The following ANOS1 variants were observed in gnomAD, a reference collection of about 807,000 sequenced individuals.
ANOS1 encodes the protein anosmin-1.
ANOS1 carries 6 observed loss-of-function variants against 59.0 expected under a neutral mutation model. That is an observed-to-expected ratio of 0.10 (90% CI 0.06 to 0.20). The LOEUF (loss-of-function observed/expected upper bound fraction) is 0.20. ANOS1 is among the 10% of genes least tolerant of loss of function. The pLI is 1.00. For missense variants in ANOS1, 433 were observed against 542.3 expected (o/e 0.80, Z 2.00); for synonymous variants, 217 against 223.4 (o/e 0.97, Z 0.25).
chrX:8,635,634 A>AT, intron 2 of ANOS1, among the ~76,000 whole-genome samples: 1 of 112,353 alleles, frequency 8.9e-6, no homozygotes, highest in East Asian at 2.8e-4. Context: ...GAAAATAAAA[A>AT]TGCATATTTA....
chrX:8,657,467 CTTTTTTTTTTTT>C (rs1324799667), intron 2 of ANOS1, among the ~76,000 whole-genome samples: 2 of 83,958 alleles, frequency 2.4e-5, no homozygotes, highest in South Asian at 5.5e-4. Flanking sequence ...ACTGTGCTTG[CTTTTTTTTTTTT>C]TTTTTTTTTT....
chrX:8,618,421 T>C (rs1484463586), intron 3 of ANOS1, among the ~76,000 whole-genome samples: 1 of 111,841 alleles, frequency 8.9e-6, no homozygotes, highest in Non-Finnish European at 1.9e-5. Flanking sequence ...ATCCACTGAG[T>C]TCTTACTTAG....
chrX:8,541,416 C>T (rs773126846), intron 9 of ANOS1, among the ~76,000 whole-genome samples: 42 of 101,551 alleles, frequency 4.1e-4, no homozygotes, highest in African/African-American at 1.0e-3. Context: ...ACCACCCCCC[C>T]CCCAAAAACA....
In ANOS1 at chrX:8,678,572, A is replaced by C. The variant is rs192465619; in HGVS notation, c.255+21126T>G. 4.5e-5 allele frequency among the ~76,000 whole-genome samples: 5 copies of C among 112,333 alleles called. No individual in the cohort carries two copies. In the East Asian group the frequency reaches 1.4e-3, roughly 31 times the overall value. ...GGGCTTTAAAAACAAAAAGTCCTGC[A>C]ATGTAGTCCCCAAATGACAAATTTT... is the stretch of plus-strand genomic sequence containing the variant. On this transcript the variant is annotated intron_variant, in intron 2 of 13. Coordinates refer to ENST00000262648, the MANE Select transcript of ANOS1 (RefSeq NM_000216.4).
At position 8,570,569 on chromosome X, in the gene ANOS1, A is replaced by G. The variant is rs745961261; in HGVS notation, c.992T>C (p.Phe331Ser). The G allele has an allele frequency of 8.3e-7, 1 of 1,209,377 alleles. No individual in the cohort carries two copies. Among genetic ancestry groups the G allele is most frequent in the Non-Finnish European group, 1.1e-6 (1 of 894,792 alleles). Residue 331 changes from phenylalanine to serine, a missense_variant, in exon 7 of 14, where the codon TTT (phenylalanine) becomes TCT (serine). By Grantham distance (155) the Phe-to-Ser change is radical. Transcript: ENST00000262648. ...CTTACTGCTGACCATCCAGCTCCAA[A>G]AGACCTTGTAATGATGCACAGGGAT... ...PDIPVHHYKVFWSWMVSSKSL... is the reference protein window; with the variant it reads ...PDIPVHHYKVSWSWMVSSKSL...
chrX:8,715,106 C>A (rs922203892), intron 1 of ANOS1, among the ~76,000 whole-genome samples: 1 of 112,209 alleles, frequency 8.9e-6, no homozygotes, highest in Non-Finnish European at 1.9e-5. Context: ...GTGTTCATTG[C>A]AGAATTAGAA....
chrX:8,723,814 G>C (rs999825281), intron 1 of ANOS1, among the ~76,000 whole-genome samples: 1 of 111,280 alleles, frequency 9.0e-6, no homozygotes, highest in Non-Finnish European at 1.9e-5. Flanking sequence ...TGAACTATTG[G>C]GGCTCCCTTG....
intron 2 of ANOS1, among the ~76,000 whole-genome samples, chrX:8,624,439 C>T (rs181570961): frequency 2.4e-3 from 263 of 111,894 alleles, no homozygotes; most frequent in African/African-American, 7.7e-3. Context: ...AGTGAAAATG[C>T]ATTGTATTAA....
At chrX:8,730,496 C>G (rs982628660) in intron 1 of ANOS1, among the ~76,000 whole-genome samples, 10 of 112,910 alleles carry the variant, frequency 8.9e-5, no homozygotes, top group African/African-American at 2.9e-4. Flanking sequence ...AGATCATCCC[C>G]GAGGGTAAGG....
At chrX:8,646,344 G>C (rs1017748767) in intron 2 of ANOS1, among the ~76,000 whole-genome samples, 1 of 110,774 alleles carries the variant, frequency 9.0e-6, no homozygotes, top group Non-Finnish European at 1.9e-5. Context: ...CCTGTAATAG[G>C]CATGCCATCA....
chrX:8,538,914 C>A (rs1929639685), intron 10 of ANOS1, among the ~76,000 whole-genome samples: 1 of 111,997 alleles, frequency 8.9e-6, no homozygotes, highest in African/African-American at 3.2e-5. Flanking sequence ...CAAAAATATT[C>A]TAGTTACATA....
chrX:8,659,570 CTGCT>C (rs1394134913), intron 2 of ANOS1, among the ~76,000 whole-genome samples: 15 of 85,524 alleles, frequency 1.8e-4, no homozygotes, highest in Admixed American at 2.6e-4. Flanking sequence ...TCCTTCCTCC[CTGCT>C]TGCTTGCTTG....
rs1186852050 is a variant in ANOS1 at position 8,530,908 on chromosome X, C to G, written c.*2087G>C. On this transcript the variant is annotated 3_prime_UTR_variant, in exon 14 of 14. Coordinates refer to ENST00000262648, the MANE Select transcript of ANOS1 (RefSeq NM_000216.4). ...ATTTTAAGAACTTGAAATTCAGATGCTGGTAATGACACCAGAATAAAAAAG... is the reference window on the plus strand; with the variant it reads ...ATTTTAAGAACTTGAAATTCAGATGGTGGTAATGACACCAGAATAAAAAAG... 1.8e-5 allele frequency: 2 copies of G among 110,370 alleles called. No individual in the cohort carries two copies. Among genetic ancestry groups the G allele is most frequent in the Non-Finnish European group, 3.8e-5 (2 of 52,819 alleles). 9.1% of individuals were successfully genotyped at this position (110,370 alleles called of 1,213,427 possible). A position where few individuals can be genotyped will look rare whatever the true frequency, so the allele number is the denominator to read the frequency against.
chrX:8,659,380 C>T (rs1021138414), intron 2 of ANOS1, among the ~76,000 whole-genome samples: 4 of 110,816 alleles, frequency 3.6e-5, no homozygotes, highest in African/African-American at 1.3e-4. Context: ...CACTGCACTC[C>T]AGCCTGAGCG....
chrX:8,570,725 C>T (rs755247615), intron 6 of ANOS1, 21 bp from the exon 7 acceptor site: 3 of 1,176,453 alleles, frequency 2.6e-6, no homozygotes, highest in Non-Finnish European at 3.5e-6. Flanking sequence ...AGTACAAAGA[C>T]ACATCATATG....
chrX:8,561,369 G>A (rs990779853), intron 8 of ANOS1, among the ~76,000 whole-genome samples: 11 of 109,416 alleles, frequency 1.0e-4, no homozygotes, highest in Non-Finnish European at 2.1e-4. Context: ...GTGCGATCTC[G>A]GCTCACTGCA....
intron 2 of ANOS1, among the ~76,000 whole-genome samples, chrX:8,648,799 C>T (rs748593062): frequency 8.9e-6 from 1 of 112,077 alleles, no homozygotes; most frequent in Admixed American, 9.5e-5. Context: ...CCAGTTTTGA[C>T]ATATATACTT....
At chrX:8,633,960 C>T (rs1029482275) in intron 2 of ANOS1, among the ~76,000 whole-genome samples, 2 of 111,911 alleles carry the variant, frequency 1.8e-5, no homozygotes, top group African/African-American at 3.2e-5. Context: ...CAAAATAAGG[C>T]TATAAAGAAC....
intron 8 of ANOS1, among the ~76,000 whole-genome samples, chrX:8,567,095 C>T (rs1930127987): frequency 8.9e-6 from 1 of 111,780 alleles, no homozygotes; most frequent in Non-Finnish European, 1.9e-5. Flanking sequence ...GCTAGGAGCC[C>T]CTGCATGGCA....
Sources: allele counts gnomAD v4.1 joint callset (sites outside exome capture counted in the v4.1 genomes callset), GRCh38; gene constraint gnomAD v4.1.1; transcripts MANE v1.5; gene names NCBI Gene and HGNC (gene_info 2026-07-23, HGNC 2026-07-21).